Variants in ASXL1 observed in about 807,000 individuals in gnomAD.
ASXL1 encodes the protein polycomb group protein ASXL1.
In ASXL1, 65 loss-of-function variants were observed where a neutral mutation model predicts 89.1. That is an observed-to-expected ratio of 0.73 (90% CI 0.60 to 0.90). The LOEUF (loss-of-function observed/expected upper bound fraction) is 0.90, where lower values mean the gene tolerates loss of function less well. Among genes scored for constraint, ASXL1 ranks in the 40% least tolerant of loss-of-function variants. ASXL1 has a pLI of 0.00. For missense variants in ASXL1, 1,786 were observed against 1,942.9 expected, an observed-to-expected ratio of 0.92 and a Z score of 1.52; for synonymous variants, 739 against 746.9, an observed-to-expected ratio of 0.99 and a Z score of 0.17.
rs142792019 is a variant in ASXL1 at position 32,378,158 on chromosome 20, T to TTGTGTGTGTGTGTGTGTG, written c.252+9055_252+9072dup. ...GTGCGTGCCACTGTGGCTGAGTAATTTGTGTGTGTGTGTGTGTGTGTGTGT... is the reference window on the plus strand; with the variant it reads ...GTGCGTGCCACTGTGGCTGAGTAATTTGTGTGTGTGTGTGTGTGTGTGTGTGTGTGTGTGTGTGTGTGT... On this transcript the variant is annotated intron_variant, in intron 4 of 12. Coordinates refer to ENST00000375687, the MANE Select transcript of ASXL1 (RefSeq NM_015338.6). 8.2e-3 allele frequency among the ~76,000 whole-genome samples: 1,063 copies of TTGTGTGTGTGTGTGTGTG among 130,276 alleles called. 22 individuals are homozygous for TTGTGTGTGTGTGTGTGTG. Among genetic ancestry groups the TTGTGTGTGTGTGTGTGTG allele is most frequent in the African/African-American group, 0.031 (1,000 of 32,776 alleles). The allele number at this position is 130,276 out of a possible 152,430, so 85.5% of individuals were successfully genotyped here.
chr20:32,388,909 A>G (rs2048624006), intron 4 of ASXL1, among the ~76,000 whole-genome samples: 2 of 152,172 alleles, frequency 1.3e-5, no homozygotes, highest in African/African-American at 4.8e-5. Context: ...ATATGTATAT[A>G]CAGAGTTTGT....
intron 4 of ASXL1, among the ~76,000 whole-genome samples, chr20:32,419,669 A>G (rs2049204285): frequency 6.6e-6 from 1 of 151,344 alleles, no homozygotes; most frequent in Non-Finnish European, 1.5e-5. Flanking sequence ...AACCCTGGCA[A>G]ATGGATATAT....
At chr20:32,410,537 T>TA (rs1372793586) in intron 4 of ASXL1, among the ~76,000 whole-genome samples, 1 of 152,296 alleles carries the variant, frequency 6.6e-6, no homozygotes, top group Non-Finnish European at 1.5e-5. Context: ...TAATCAAAGT[T>TA]ATGTGGATGT....
intron 8 of ASXL1, chr20:32,430,965 A>G (rs928563768): frequency 4.2e-6 from 2 of 474,128 alleles, no homozygotes; most frequent in African/African-American, 3.9e-5. Flanking sequence ...TTACTTTTAG[A>G]TAATTCTCAT....
chr20:32,379,303 G>A (rs948257964), intron 4 of ASXL1, among the ~76,000 whole-genome samples: 1 of 147,528 alleles, frequency 6.8e-6, no homozygotes, highest in African/African-American at 2.5e-5. Context: ...TTCTGCCTTA[G>A]CCTCCCAGGT....
At chr20:32,393,490 G>T (rs1413758108) in intron 4 of ASXL1, among the ~76,000 whole-genome samples, 3 of 150,086 alleles carry the variant, frequency 2.0e-5, no homozygotes, top group African/African-American at 7.3e-5. Context: ...ATTTTTTTTT[G>T]AGATGGAGTC....
intron 4 of ASXL1, among the ~76,000 whole-genome samples, chr20:32,372,727 T>A (rs1272531766): frequency 2.0e-5 from 3 of 151,886 alleles, no homozygotes; most frequent in Non-Finnish European, 4.4e-5. Context: ...CCCGAGTAGC[T>A]AGGACTACAG....
At chr20:32,406,933 G>GATGC (rs1247619040) in intron 4 of ASXL1, among the ~76,000 whole-genome samples, 1 of 152,102 alleles carries the variant, frequency 6.6e-6, no homozygotes, top group Non-Finnish European at 1.5e-5. Flanking sequence ...CTTTTGTATG[G>GATGC]ATGCCTACCT....
intron 4 of ASXL1, among the ~76,000 whole-genome samples, chr20:32,385,824 T>G (rs183818987): frequency 1.1e-3 from 168 of 152,358 alleles, no homozygotes; most frequent in African/African-American, 3.8e-3. Flanking sequence ...TGTTTGATAC[T>G]TATCCATGGT....
In ASXL1 at chr20:32,435,240, T is replaced by C. The variant is rs750376029; in HGVS notation, c.2528T>C (p.Val843Ala). The change falls in exon 13 of 13, where the codon GTG (valine) becomes GCG (alanine). Residue 843 changes from valine to alanine, a missense_variant. This residue lies in a region of ASXL1 where 1,418 missense variants were observed against 1,427.8 expected (regional missense o/e 0.99). Transcript: ENST00000375687. Reference sequence around the variant, plus strand: ...CCCACTATGAAGGATCCTGTAAATGTGACCCCCAGTTCCACACCTGAATCC... The same window carrying C: ...CCCACTATGAAGGATCCTGTAAATGCGACCCCCAGTTCCACACCTGAATCC... ...SHPTMKDPVN[V>A]TPSSTPESSP... 1 of 1,614,080 alleles carries C rather than the reference T, an allele frequency of 6.2e-7. No homozygotes were observed. Among genetic ancestry groups the C allele is most frequent in the Non-Finnish European group, 8.5e-7 (1 of 1,180,026 alleles).
chr20:32,426,487 G>C (rs1264017435), intron 4 of ASXL1, among the ~76,000 whole-genome samples: 3 of 150,332 alleles, frequency 2.0e-5, no homozygotes, highest in Admixed American at 2.0e-4. Context: ...TTTTGATTCT[G>C]AAGACCATGT....
intron 4 of ASXL1, among the ~76,000 whole-genome samples, chr20:32,420,269 A>T (rs1462465924): frequency 6.6e-6 from 1 of 151,964 alleles, no homozygotes; most frequent in Non-Finnish European, 1.5e-5. Context: ...TTCTCCTAAG[A>T]GATAGTACTT....
rs2011983798 is a variant in ASXL1 at position 32,437,356 on chromosome 20, A to G, written c.*18A>G. The G allele has an allele frequency of 6.2e-7, 1 of 1,610,654 alleles. No individual in the cohort carries two copies. Among genetic ancestry groups the G allele is most frequent in the Non-Finnish European group, 8.5e-7 (1 of 1,176,976 alleles). ...TGAGATAATAAATTATGGCCATGGG[A>G]AACATTGTATATTTAGTGTGTGTAT... On this transcript the variant is annotated 3_prime_UTR_variant, in exon 13 of 13. Coordinates refer to ENST00000375687, the MANE Select transcript of ASXL1 (RefSeq NM_015338.6).
chr20:32,368,019 C>G (rs1047661210), intron 3 of ASXL1, among the ~76,000 whole-genome samples: 7 of 152,098 alleles, frequency 4.6e-5, no homozygotes, highest in Non-Finnish European at 1.0e-4. Flanking sequence ...TGTTCCAAGG[C>G]AAAATAAGTA....
At chr20:32,434,069 T>C in intron 12 of ASXL1, 152 bp downstream of exon 12, 1 of 1,099,144 alleles carries the variant, frequency 9.1e-7, no homozygotes, top group Non-Finnish European at 1.3e-6. Context: ...CCTTCAAGTT[T>C]AGTGAGATAG....
chr20:32,436,481 G>A lies in ASXL1; in HGVS notation c.3769G>A (p.Ala1257Thr). 3 of 1,614,184 alleles carry A rather than the reference G, an allele frequency of 1.9e-6. No individual in the cohort carries two copies. The highest frequency in any genetic ancestry group is 2.5e-6 in the Non-Finnish European group (3 of 1,180,038). The change falls in exon 13 of 13, where the codon GCT becomes ACT. Residue 1257 changes from alanine to threonine, a missense_variant. Physicochemically the swap from Ala to Thr is moderately conservative, Grantham distance 58. This residue lies in a region of ASXL1 where 1,418 missense variants were observed against 1,427.8 expected (regional missense o/e 0.99). Coordinates refer to ENST00000375687, the MANE Select transcript of ASXL1 (RefSeq NM_015338.6). ...RAMSQDSNSN[A>T]APGKSPGDLT... The stretch of plus-strand genomic sequence containing the variant: ...TATGTCACAGGACAGTAATTCAAAT[G>A]CTGCTCCAGGAAAGAGCCCAGGAGA...
chr20:32,411,795 C>G (rs1366715184), intron 4 of ASXL1, among the ~76,000 whole-genome samples: 1 of 152,140 alleles, frequency 6.6e-6, no homozygotes, highest in South Asian at 2.1e-4. Flanking sequence ...GCTTTGGCCT[C>G]CCAAAGTGCT....
chr20:32,406,331 T>TGAACACAG (rs2123080965), intron 4 of ASXL1, among the ~76,000 whole-genome samples: 1 of 152,086 alleles, frequency 6.6e-6, no homozygotes, highest in South Asian at 2.1e-4. Context: ...GTGGATTGCT[T>TGAACACAG]GAACACAGGC....
At chr20:32,381,942 C>CT (rs1020745638) in intron 4 of ASXL1, among the ~76,000 whole-genome samples, 1 of 136,216 alleles carries the variant, frequency 7.3e-6, no homozygotes, top group African/African-American at 2.7e-5. Flanking sequence ...TTTGAAGAAT[C>CT]TTTTTTTTCT....
Sources: gnomAD v4.1 joint callset for allele counts (sites outside exome capture counted in the v4.1 genomes callset) on GRCh38, gnomAD v4.1.1 for gene constraint, gnomAD v4.1.1 regional missense constraint, MANE v1.5 for transcripts, NCBI Gene and HGNC (gene_info 2026-07-23, HGNC 2026-07-21) for gene names.